ZNF396: variants seen among roughly 807,000 people sequenced by gnomAD.
ZNF396 encodes zinc finger and SCAN domain-containing protein 14.
In ZNF396, 14 loss-of-function variants were observed where a neutral mutation model predicts 20.5. That is an observed-to-expected ratio of 0.68 (90% CI 0.45 to 1.07). The LOEUF (loss-of-function observed/expected upper bound fraction) is 1.07, where lower values mean the gene tolerates loss of function less well. ZNF396 is among the 50% of genes least tolerant of loss of function. The probability of loss-of-function intolerance (pLI) is 0.00; values close to 1 mark genes in which losing one functional copy is unlikely to be tolerated. For synonymous variants in ZNF396, 119 were observed against 140.6 expected, an observed-to-expected ratio of 0.85 and a Z score of 1.08; for missense variants, 347 against 390.1, an observed-to-expected ratio of 0.89 and a Z score of 0.93.
At position 35,369,670 on chromosome 18, in the gene ZNF396, A is replaced by G; in HGVS notation, c.563-10T>C. On this transcript the variant is annotated splice_polypyrimidine_tract_variant and intron_variant, in intron 3 of 3. Transcript: ENST00000589332. ...GTTTTGATGTCTTCATCTGAAATGG[A>G]AAAACAAATGTCACCAGGAAAGAGA... 1 of 1,578,908 alleles carries G rather than the reference A, an allele frequency of 6.3e-7. No homozygotes were observed. Among genetic ancestry groups the G allele is most frequent in the Non-Finnish European group, 8.6e-7 (1 of 1,166,996 alleles).
Position 35,369,396 on chromosome 18 carries a change from T to C in ZNF396, c.827A>G (p.Lys276Arg), listed in dbSNP as rs777040842. Residue 276 changes from lysine to arginine, a missense_variant, in exon 4 of 4, where the codon AAG becomes AGG. By Grantham distance (26) the Lys-to-Arg change is conservative (BLOSUM62 2). Coordinates refer to ENST00000589332, the MANE Select transcript of ZNF396 (RefSeq NM_001322286.2). ...LILHQRIHSG[K>R]KPYACDECAK... The stretch of plus-strand genomic sequence containing the variant: ...ACACTCGTCACATGCATAAGGTTTC[T>C]TTCCACTGTGGATTCTCTGATGTAA... 6.2e-7 allele frequency: 1 copy of C among 1,614,248 alleles called. No homozygotes were observed. The highest frequency in any genetic ancestry group is 1.1e-5 in the South Asian group (1 of 91,086).
At chr18:35,375,381 TTAAC>T (rs2045243652) in intron 1 of ZNF396, among the ~76,000 whole-genome samples, 1 of 152,182 alleles carries the variant, frequency 6.6e-6, no homozygotes, top group Admixed American at 6.5e-5. Context: ...TATTACTTAC[TTAAC>T]TATTTTAAAA....
Position 35,374,082 on chromosome 18 carries a change from T to A in ZNF396, c.211A>T (p.Ser71Cys). The A allele has an allele frequency of 6.2e-7, 1 of 1,614,244 alleles. No homozygotes were observed. The highest frequency in any genetic ancestry group is 8.5e-7 in the Non-Finnish European group (1 of 1,180,036). ...QDSPGPHEAL[S>C]RLWELCHLWL... ...AGATGACAAAGTTCCCAGAGCCGGC[T>A]CAGAGCCTCATGGGGCCCAGGTGAA... is the stretch of plus-strand genomic sequence containing the variant. Residue 71 changes from serine to cysteine, a missense_variant, in exon 2 of 4, where the codon AGC (serine) becomes TGC (cysteine). Ser to Cys is a moderately radical substitution (Grantham distance 112). Transcript: ENST00000589332. The surrounding 1 kb of genome is among the most constrained non-coding windows in gnomAD (Gnocchi z 4.3).
chr18:35,373,343 A>T, intron 3 of ZNF396, 113 bp downstream of exon 3: 2 of 1,284,058 alleles, frequency 1.6e-6, no homozygotes, highest in Non-Finnish European at 2.1e-6. Flanking sequence ...TCCCACAGTA[A>T]GGAGGAGATG....
Position 35,369,628 on chromosome 18 carries a change from C to G in ZNF396, c.595G>C (p.Ala199Pro). The change falls in exon 4 of 4, where the codon GCT (alanine) becomes CCT (proline). Residue 199 changes from alanine (A) to proline (P), a missense_variant. Coordinates refer to ENST00000589332, the MANE Select transcript of ZNF396 (RefSeq NM_001322286.2). ...CCTAAAGAAGTCTTTTGCCTTGAAG[C>G]AGATTTCACATTTGTAGTTTTGATG... Reference protein sequence around the residue: ...EDIKTTNVKSASRQKTSLGIE... With the variant: ...EDIKTTNVKSPSRQKTSLGIE... The G allele has an allele frequency of 6.2e-7, 1 of 1,603,712 alleles. No individual in the cohort carries two copies. The highest frequency in any genetic ancestry group is 8.5e-7 in the Non-Finnish European group (1 of 1,176,740).
In ZNF396 at chr18:35,368,425, T is replaced by C. The variant is rs562782489; in HGVS notation, c.*790A>G. The C allele has an allele frequency of 4.9e-6, 7 of 1,416,146 alleles. No homozygotes were observed. The allele number at this position is 1,416,146 out of a possible 1,614,324, so 87.7% of individuals were successfully genotyped here. ...TACATATTCTTTTGGGCCTCTGCAA[T>C]CGCATGTTCATATTTTGAATCTAGT... On this transcript the variant is annotated 3_prime_UTR_variant, in exon 4 of 4. Transcript: ENST00000589332.
chr18:35,370,647 G>T (rs1402511029), intron 3 of ZNF396, among the ~76,000 whole-genome samples: 2 of 149,240 alleles, frequency 1.3e-5, no homozygotes, highest in East Asian at 3.9e-4. Flanking sequence ...CAAGTAGCTG[G>T]GACTACAGGC....
intron 3 of ZNF396, among the ~76,000 whole-genome samples, chr18:35,370,667 T>C (rs8098583): frequency 0.01 from 1,511 of 150,886 alleles, 27 homozygotes; most frequent in African/African-American, 0.035. Context: ...CGCCCGCCAC[T>C]ACGCCCGGCT....
chr18:35,369,978 TAGA>T (rs1314959472), intron 3 of ZNF396, among the ~76,000 whole-genome samples: 1 of 151,994 alleles, frequency 6.6e-6, no homozygotes, highest in East Asian at 1.9e-4. Flanking sequence ...CACAGAGAGC[TAGA>T]AGGAGAGGAA....
In ZNF396 at chr18:35,373,570, C is replaced by G; in HGVS notation, c.448G>C (p.Ala150Pro). The G allele has an allele frequency of 6.2e-7, 1 of 1,614,096 alleles. No homozygotes were observed. Among genetic ancestry groups the G allele is most frequent in the Non-Finnish European group, 8.5e-7 (1 of 1,180,004 alleles). ...IFFGRRKDMI[A>P]EKLAPSEITE... ...ATTTCTGAAGGTGCTAGCTTCTCTG[C>G]AATCATGTCCTTCCTTCGTCCAAAA... Residue 150 changes from alanine (A) to proline (P), a missense_variant, in exon 3 of 4, where the codon GCA (alanine) becomes CCA (proline). By Grantham distance (27) the Ala-to-Pro change is conservative (BLOSUM62 -1). Transcript: ENST00000589332.
chr18:35,373,945 A>T lies in ZNF396; in HGVS notation c.348T>A (p.His116Gln). ...KELQAWVQKH[H>Q]PENGEETVTM... ...TCACAGTTTCCTCTCCATTCTCTGG[A>T]TGATGCTTCTGCACCCAGGCCTGAA... Residue 116 changes from histidine to glutamine, a missense_variant, in exon 2 of 4, where the codon CAT (histidine) becomes CAA (glutamine). By Grantham distance (24) the His-to-Gln change is conservative (BLOSUM62 0). Transcript: ENST00000589332. 1.2e-6 allele frequency: 2 copies of T among 1,614,196 alleles called. No homozygotes were observed. Among genetic ancestry groups the T allele is most frequent in the South Asian group, 1.1e-5 (1 of 91,082 alleles).
chr18:35,373,639 G>T (rs769546552), intron 2 of ZNF396, 39 bp from the exon 3 acceptor site: 7 of 1,604,972 alleles, frequency 4.4e-6, no homozygotes, highest in Non-Finnish European at 6.0e-6. Flanking sequence ...AACACCATCA[G>T]GTTGGGACTT....
In ZNF396 at chr18:35,367,424, T is replaced by C. The variant is rs2045110835; in HGVS notation, c.*1791A>G. On this transcript the variant is annotated 3_prime_UTR_variant, in exon 4 of 4. Transcript: ENST00000589332. ...TCTGAGAATGAAATGTTTTATACTTTATGAGGAACCCAACCAGACAAAGAA... is the reference window on the plus strand; with the variant it reads ...TCTGAGAATGAAATGTTTTATACTTCATGAGGAACCCAACCAGACAAAGAA... The C allele has an allele frequency of 1.3e-5, 2 of 152,202 alleles. No individual in the cohort carries two copies. The highest frequency in any genetic ancestry group is 2.1e-4 in the South Asian group (1 of 4,836). 9.4% of individuals were successfully genotyped at this position (152,202 alleles called of 1,614,324 possible). A position where few individuals can be genotyped will look rare whatever the true frequency, so the allele number is the denominator to read the frequency against.
rs141128029 is a variant in ZNF396, at chr18:35,374,078, C to A, written c.215G>T (p.Arg72Leu). ...DSPGPHEALS[R>L]LWELCHLWLR... Reference sequence around the variant, plus strand: ...CCAGAGATGACAAAGTTCCCAGAGCCGGCTCAGAGCCTCATGGGGCCCAGG... The same window carrying A: ...CCAGAGATGACAAAGTTCCCAGAGCAGGCTCAGAGCCTCATGGGGCCCAGG... Residue 72 changes from arginine to leucine, a missense_variant, in exon 2 of 4, where the codon CGG becomes CTG. Physicochemically the swap from Arg to Leu is moderately radical, Grantham distance 102. Coordinates refer to ENST00000589332, the MANE Select transcript of ZNF396 (RefSeq NM_001322286.2). The surrounding 1 kb of genome is among the most constrained non-coding windows in gnomAD (Gnocchi z 4.3). The A allele has an allele frequency of 1.2e-6, 2 of 1,614,106 alleles. No individual in the cohort carries two copies. Among genetic ancestry groups the A allele is most frequent in the East Asian group, 4.5e-5 (2 of 44,896 alleles).
rs376934742 is a variant in ZNF396, at chr18:35,374,153, C to T, written c.140G>A (p.Ser47Asn). The T allele has an allele frequency of 4.3e-6, 7 of 1,614,110 alleles. No homozygotes were observed. Among genetic ancestry groups the T allele is most frequent in the Non-Finnish European group, 5.9e-6 (7 of 1,180,048 alleles). Reference protein sequence around the residue: ...DSSLHWSSSYSPETFRQQFRQ... With the variant: ...DSSLHWSSSYNPETFRQQFRQ... ...GAATTGCTGGCGGAAGGTCTCTGGG[C>T]TGTAGCTGCTGCTCCAGTGGAGGCT... The change falls in exon 2 of 4, where the codon AGC becomes AAC. Residue 47 changes from serine (S) to asparagine (N), a missense_variant. Physicochemically the swap from Ser to Asn is conservative, Grantham distance 46. Coordinates refer to ENST00000589332, the MANE Select transcript of ZNF396 (RefSeq NM_001322286.2). The surrounding 1 kb of genome is among the most constrained non-coding windows in gnomAD (Gnocchi z 4.3).
In ZNF396 at chr18:35,374,617, G is replaced by A. The variant is rs183924109; in HGVS notation, c.-72-253C>T. The A allele has an allele frequency of 9.0e-5, 17 of 189,706 alleles. No homozygotes were observed. Among genetic ancestry groups the A allele is most frequent in the Admixed American group, 5.3e-4 (10 of 18,768 alleles). 11.8% of individuals were successfully genotyped at this position (189,706 alleles called of 1,614,324 possible). A position where few individuals can be genotyped will look rare whatever the true frequency, so the allele number is the denominator to read the frequency against. On this transcript the variant is annotated intron_variant, in intron 1 of 3. Coordinates refer to ENST00000589332, the MANE Select transcript of ZNF396 (RefSeq NM_001322286.2). This position sits in a 1 kb window ranked among gnomAD's most constrained non-coding sequence, Gnocchi z 4.3. ...GTTCAAGTGATTCTCATGCTTCAGCGTCCTAAGTAGCTGGGACTACAGGTA... is the reference window on the plus strand; with the variant it reads ...GTTCAAGTGATTCTCATGCTTCAGCATCCTAAGTAGCTGGGACTACAGGTA...
In ZNF396 at chr18:35,373,748, A is replaced by G; in HGVS notation, c.417+128T>C. ...CCACCTTCTATTTGCTGGGACACCC[A>G]TTAGTACTTTCACCCCTATACATCC... On this transcript the variant is annotated intron_variant, in intron 2 of 3. Transcript: ENST00000589332. 4 of 1,492,082 alleles carry G rather than the reference A, an allele frequency of 2.7e-6. No individual in the cohort carries two copies. In the South Asian group the frequency reaches 4.0e-5, roughly 15 times the overall value. The allele number at this position is 1,492,082 out of a possible 1,614,324, so 92.4% of individuals were successfully genotyped here.
At chr18:35,370,503 C>CGTT (rs1434378859) in intron 3 of ZNF396, among the ~76,000 whole-genome samples, 1 of 68,262 alleles carries the variant, frequency 1.5e-5, no homozygotes, top group Non-Finnish European at 3.5e-5. Context: ...CTCATGGTGG[C>CGTT]ATTTTTTTTT....
chr18:35,372,527 T>C (rs1311653783), intron 3 of ZNF396: 1 of 152,206 alleles, frequency 6.6e-6, no homozygotes, highest in Non-Finnish European at 1.5e-5. Flanking sequence ...TCCTGAACTA[T>C]GGAAGCAGTG....
Sources: allele counts gnomAD v4.1 joint callset (sites outside exome capture counted in the v4.1 genomes callset), GRCh38; gene constraint gnomAD v4.1.1; non-coding constraint Gnocchi (gnomAD v3.1); transcripts MANE v1.5; gene names NCBI Gene and HGNC (gene_info 2026-07-23, HGNC 2026-07-21).